The following ACTN1 variants were observed in gnomAD, a reference collection of about 807,000 sequenced individuals.
ACTN1 encodes actinin alpha 1, also known as alpha-actinin-1.
Under a neutral mutation model 119.6 loss-of-function variants are expected in ACTN1, and 30 were observed. That is an observed-to-expected ratio of 0.25 (90% CI 0.19 to 0.34). ACTN1 has a LOEUF of 0.34. Ranked by LOEUF, ACTN1 falls within the 10% of genes least tolerant of loss-of-function variation. The pLI is 1.00. For missense variants in ACTN1, 764 were observed against 1,223.4 expected (o/e 0.62, Z 5.60); for synonymous variants, 429 against 472.6 (o/e 0.91, Z 1.20).
intron 1 of ACTN1, among the ~76,000 whole-genome samples, chr14:68,975,072 C>T (rs1334333051): frequency 6.6e-6 from 1 of 152,242 alleles, no homozygotes; most frequent in African/African-American, 2.4e-5. Flanking sequence ...CTGTAGTCCT[C>T]CACCTTGACT....
intron 14 of ACTN1, 98 bp from the exon 15 acceptor site, chr14:68,883,153 C>T: frequency 7.9e-7 from 1 of 1,261,212 alleles, no homozygotes; most frequent in Non-Finnish European, 1.1e-6. Flanking sequence ...AGCTGGGAGA[C>T]CAGGAGGCAT....
intron 2 of ACTN1, among the ~76,000 whole-genome samples, chr14:68,923,562 C>T (rs552134642): frequency 5.3e-5 from 8 of 152,106 alleles, no homozygotes; most frequent in Non-Finnish European, 7.4e-5. Context: ...GCAATCCCAG[C>T]GCTTTGGGAG....
At chr14:68,956,884 C>T (rs2036368546) in intron 1 of ACTN1, among the ~76,000 whole-genome samples, 1 of 152,014 alleles carries the variant, frequency 6.6e-6, no homozygotes, top group Non-Finnish European at 1.5e-5. Context: ...AGAGACAAAG[C>T]GGGTAGAGTG....
At chr14:68,898,256 C>T (rs2033020237) in intron 8 of ACTN1, among the ~76,000 whole-genome samples, 1 of 152,232 alleles carries the variant, frequency 6.6e-6, no homozygotes, top group African/African-American at 2.4e-5. Flanking sequence ...TCTTAATGCT[C>T]TCCATCCATT....
chr14:68,893,856 G>A, intron 8 of ACTN1, 109 bp from the exon 9 acceptor site: 1 of 1,027,212 alleles, frequency 9.7e-7, no homozygotes. Context: ...CCCTGTGGTT[G>A]GAAGGGAGTT....
At chr14:68,950,462 G>GTGTGTGTGTGTGTATATATATA in intron 1 of ACTN1, among the ~76,000 whole-genome samples, 14,642 of 125,652 alleles carry the variant, frequency 0.12, 1,217 homozygotes, top group Middle Eastern at 0.22. Flanking sequence ...ATGCGTGTGT[G>GTGTGTGTGTGTGTATATATATA]TATATATATA....
Position 68,909,900 on chromosome 14 carries a change from G to T in ACTN1, c.515+55C>A. The T allele has an allele frequency of 1.3e-6, 2 of 1,511,754 alleles. No homozygotes were observed. The highest frequency in any genetic ancestry group is 1.8e-6 in the Non-Finnish European group (2 of 1,090,654). The allele number at this position is 1,511,754 out of a possible 1,614,324, so 93.6% of individuals were successfully genotyped here. On this transcript the variant is annotated intron_variant, in intron 5 of 21. Coordinates refer to ENST00000394419, the MANE Select transcript of ACTN1 (RefSeq NM_001130004.2). This position sits in a 1 kb window ranked among gnomAD's most constrained non-coding sequence, Gnocchi z 4.1. ...CTGACCCAGCCAAGGGGGTCTGGGA[G>T]CTCCCGGGGGAGGCAGCCTGGTTCT...
rs1349794768 is a variant in ACTN1, at chr14:68,950,477, T to TATATATATATAC, written c.106-24806_106-24805insGTATATATATAT. On this transcript the variant is annotated intron_variant, in intron 1 of 21. Transcript: ENST00000394419. ...ATGCGTGTGTGTATATATATATATA[T>TATATATATATAC]AAATCAAACATATAAAATCTGTGGT... Among the ~76,000 whole-genome samples the TATATATATATAC allele has an allele frequency of 1.5e-4, 22 of 144,880 alleles. 2 individuals carry two copies. The highest frequency in any genetic ancestry group is 6.3e-4 in the African/African-American group (22 of 34,990).
At chr14:68,881,415 G>C (rs2031497155) in intron 16 of ACTN1, among the ~76,000 whole-genome samples, 1 of 152,126 alleles carries the variant, frequency 6.6e-6, no homozygotes, top group South Asian at 2.1e-4. Context: ...TCTTGCTCCT[G>C]CTGTTCCGCC....
At chr14:68,910,373 T>C (rs2033933771) in intron 4 of ACTN1, among the ~76,000 whole-genome samples, 1 of 152,114 alleles carries the variant, frequency 6.6e-6, no homozygotes, top group South Asian at 2.1e-4. Flanking sequence ...CTCTATCAGG[T>C]TGGGGAGGAA....
At chr14:68,944,964 G>A (rs866267121) in intron 1 of ACTN1, among the ~76,000 whole-genome samples, 2 of 151,736 alleles carry the variant, frequency 1.3e-5, no homozygotes, top group African/African-American at 2.4e-5. Context: ...CACCCTACGC[G>A]TGTGTGGGGC....
In ACTN1 at chr14:68,875,056, G is replaced by GCAGCCGTAAAGCGGCGCGGCCCGACA. The variant is rs2030726675; in HGVS notation, c.2587-65_2587-40dup. 1.5e-5 allele frequency: 24 copies of GCAGCCGTAAAGCGGCGCGGCCCGACA among 1,606,332 alleles called. 2 individuals carry two copies. Among genetic ancestry groups the GCAGCCGTAAAGCGGCGCGGCCCGACA allele is most frequent in the African/African-American group, 9.3e-5 (7 of 74,898 alleles). The stretch of plus-strand genomic sequence containing the variant: ...GTGGTCAGGAAGGCCGCAAAGTCCA[G>GCAGCCGTAAAGCGGCGCGGCCCGACA]CAGCCGTAAAGCGGCGCGGCCCGAC... On this transcript the variant is annotated intron_variant, in intron 21 of 21. Coordinates refer to ENST00000394419, the MANE Select transcript of ACTN1 (RefSeq NM_001130004.2).
At chr14:68,962,034 A>G (rs1233955675) in intron 1 of ACTN1, among the ~76,000 whole-genome samples, 3 of 152,164 alleles carry the variant, frequency 2.0e-5, no homozygotes, top group Non-Finnish European at 4.4e-5. Flanking sequence ...GCTGGTGTGC[A>G]GCCCACATCA....
intron 1 of ACTN1, among the ~76,000 whole-genome samples, chr14:68,952,225 T>A (rs2036193506): frequency 6.6e-6 from 1 of 152,168 alleles, no homozygotes; most frequent in Non-Finnish European, 1.5e-5. Context: ...AACTTCTCAA[T>A]CCTGGGATCG....
At chr14:68,974,176 T>C (rs1594890251) in intron 1 of ACTN1, 1 of 152,800 alleles carries the variant, frequency 6.5e-6, no homozygotes, top group East Asian at 1.9e-4. Flanking sequence ...ATCCCAACAA[T>C]ATCTGTAGAG....
intron 1 of ACTN1, among the ~76,000 whole-genome samples, chr14:68,934,894 C>T (rs1392405320): frequency 6.6e-6 from 1 of 152,138 alleles, no homozygotes; most frequent in Non-Finnish European, 1.5e-5. Flanking sequence ...GGCAATCACA[C>T]AAACATGAAA....
Position 68,878,614 on chromosome 14 carries a change from G to A in ACTN1, c.2362-91C>T. On this transcript the variant is annotated intron_variant, in intron 19 of 21. Coordinates refer to ENST00000394419, the MANE Select transcript of ACTN1 (RefSeq NM_001130004.2). This position sits in a 1 kb window ranked among gnomAD's most constrained non-coding sequence, Gnocchi z 4.4. ...CGGGGCCAGGAAGACAGGAACAGAT[G>A]GCCAGAACGGGGATGAGATTTATGG... is the stretch of plus-strand genomic sequence containing the variant. 2 of 1,582,238 alleles carry A rather than the reference G, an allele frequency of 1.3e-6. No individual in the cohort carries two copies. The highest frequency in any genetic ancestry group is 1.7e-6 in the Non-Finnish European group (2 of 1,164,208).
At position 68,892,161 on chromosome 14, in the gene ACTN1, G is replaced by C; in HGVS notation, c.978C>G (p.Pro326=). Residue 326 remains proline (P), a synonymous_variant, in exon 10 of 22, where the codon CCC becomes CCG. Transcript: ENST00000394419. ...FRDYRRLHKP[P]KVQEKCQLEI... is the part of the protein sequence containing the mutation. Reference sequence around the variant, plus strand: ...CCAGCTGGCACTTCTCCTGCACCTTGGGCGGCTTGTGCAGGCGCCGGTAGT... The same window carrying C: ...CCAGCTGGCACTTCTCCTGCACCTTCGGCGGCTTGTGCAGGCGCCGGTAGT... The C allele has an allele frequency of 6.2e-7, 1 of 1,614,136 alleles. No individual in the cohort carries two copies. The highest frequency in any genetic ancestry group is 8.5e-7 in the Non-Finnish European group (1 of 1,180,030).
intron 11 of ACTN1, chr14:68,888,090 C>A: frequency 1.5e-6 from 1 of 680,674 alleles, no homozygotes; most frequent in South Asian, 1.5e-5. Context: ...GGCATCCTGG[C>A]GGCAGGGAGG....
Sources: gnomAD v4.1 joint callset for allele counts (sites outside exome capture counted in the v4.1 genomes callset) on GRCh38, gnomAD v4.1.1 for gene constraint, Gnocchi (gnomAD v3.1) non-coding constraint, MANE v1.5 for transcripts, NCBI Gene and HGNC (gene_info 2026-07-23, HGNC 2026-07-21) for gene names.